The following GRIK2 variants were observed in gnomAD, a reference collection of about 807,000 sequenced individuals.
GRIK2 encodes glutamate receptor ionotropic, kainate 2.
In GRIK2, 32 loss-of-function variants were observed where a neutral mutation model predicts 100.3. The observed-to-expected ratio is 0.32, with a 90% confidence interval of 0.24 to 0.43. GRIK2 has a LOEUF of 0.43. Among genes scored for constraint, GRIK2 ranks in the 20% least tolerant of loss-of-function variants. GRIK2 has a pLI of 1.00. For missense variants in GRIK2, 843 were observed against 1,114.9 expected, an observed-to-expected ratio of 0.76 and a Z score of 3.47; for synonymous variants, 417 against 389.4, an observed-to-expected ratio of 1.07 and a Z score of -0.83.
intron 7 of GRIK2, among the ~76,000 whole-genome samples, chr6:101,695,676 G>T (rs961023349): frequency 6.6e-6 from 1 of 151,948 alleles, no homozygotes; most frequent in African/African-American, 2.4e-5. Context: ...CTTATGACAG[G>T]ATTGCATGTT....
At chr6:101,842,825 TG>T (rs1162732327) in intron 10 of GRIK2, among the ~76,000 whole-genome samples, 1 of 152,260 alleles carries the variant, frequency 6.6e-6, no homozygotes, top group East Asian at 1.9e-4. Flanking sequence ...GAGTGGGATG[TG>T]GGTAGAAAGC....
chr6:101,445,833 G>A (rs1409203187), intron 2 of GRIK2, among the ~76,000 whole-genome samples: 4 of 151,954 alleles, frequency 2.6e-5, no homozygotes, highest in African/African-American at 7.2e-5. Flanking sequence ...ATTTTTATGC[G>A]ACTTTTTACC....
At chr6:101,770,025 G>T (rs1444971922) in intron 7 of GRIK2, among the ~76,000 whole-genome samples, 3 of 152,114 alleles carry the variant, frequency 2.0e-5, no homozygotes, top group African/African-American at 7.2e-5. Flanking sequence ...TGTGGATTTT[G>T]TATTTTTTTG....
intron 2 of GRIK2, among the ~76,000 whole-genome samples, chr6:101,524,680 T>A (rs1775057746): frequency 6.6e-6 from 1 of 151,340 alleles, no homozygotes; most frequent in South Asian, 2.1e-4. Flanking sequence ...TGATTCCTCC[T>A]CACATTAGTC....
intron 2 of GRIK2, among the ~76,000 whole-genome samples, chr6:101,517,450 C>T (rs745464876): frequency 3.3e-5 from 5 of 152,084 alleles, no homozygotes; most frequent in South Asian, 2.1e-4. Flanking sequence ...CTGTGAAATG[C>T]GGTGGTCCTC....
intron 7 of GRIK2, among the ~76,000 whole-genome samples, chr6:101,706,570 C>G (rs531862596): frequency 1.6e-4 from 25 of 151,950 alleles, no homozygotes; most frequent in African/African-American, 6.0e-4. Context: ...GGCAGATATG[C>G]CTGTGAAAGA....
intron 11 of GRIK2, among the ~76,000 whole-genome samples, chr6:101,876,480 AACAAACACACACAC>A (rs1785849370): frequency 1.9e-5 from 1 of 52,120 alleles, no homozygotes; most frequent in Non-Finnish European, 3.9e-5. Context: ...AGAAAACAAA[AACAAACACACACAC>A]ACACACACAC....
At chr6:101,653,862 C>T (rs756565106) in intron 4 of GRIK2, among the ~76,000 whole-genome samples, 2 of 152,114 alleles carry the variant, frequency 1.3e-5, no homozygotes, top group African/African-American at 4.8e-5. Flanking sequence ...CTCAGGTGAA[C>T]CACCTGCCTC....
At chr6:101,795,794 G>A (rs574515703) in intron 7 of GRIK2, among the ~76,000 whole-genome samples, 1 of 152,202 alleles carries the variant, frequency 6.6e-6, no homozygotes, top group Non-Finnish European at 1.5e-5. Context: ...TGCCAGGGGT[G>A]TGGGCCTGCC....
intron 14 of GRIK2, among the ~76,000 whole-genome samples, chr6:101,972,065 A>C (rs1292155932): frequency 6.6e-6 from 1 of 152,006 alleles, no homozygotes; most frequent in Non-Finnish European, 1.5e-5. Flanking sequence ...GTATGAATGC[A>C]TGTGTCTTTT....
chr6:101,819,991 G>C (rs1781858004), intron 10 of GRIK2, among the ~76,000 whole-genome samples: 1 of 152,030 alleles, frequency 6.6e-6, no homozygotes, highest in South Asian at 2.1e-4. Context: ...GTCCTCTATG[G>C]TCTTACTCTC....
intron 4 of GRIK2, among the ~76,000 whole-genome samples, chr6:101,634,320 T>C (rs923394198): frequency 6.6e-6 from 1 of 152,022 alleles, no homozygotes; most frequent in African/African-American, 2.4e-5. Flanking sequence ...ATGTTCCTAG[T>C]TGGGGATACT....
chr6:101,518,431 G>A (rs1271176240), intron 2 of GRIK2, among the ~76,000 whole-genome samples: 2 of 152,144 alleles, frequency 1.3e-5, no homozygotes, highest in Non-Finnish European at 2.9e-5. Flanking sequence ...CACCTTTTCT[G>A]CAGTGTATAC....
intron 14 of GRIK2, among the ~76,000 whole-genome samples, chr6:101,964,608 G>A (rs1316408620): frequency 6.6e-6 from 1 of 152,136 alleles, no homozygotes; most frequent in African/African-American, 2.4e-5. Context: ...TGCCCTTGTG[G>A]CTCTTGTTTG....
intron 2 of GRIK2, among the ~76,000 whole-genome samples, chr6:101,592,827 G>A (rs987105894): frequency 2.0e-5 from 3 of 151,130 alleles, no homozygotes; most frequent in African/African-American, 7.3e-5. Flanking sequence ...TGAGAGATGA[G>A]AAAATGACAA....
At chr6:101,951,542 T>C (rs1413972) in intron 14 of GRIK2, among the ~76,000 whole-genome samples, 5,073 of 152,306 alleles carry the variant, frequency 0.033, 298 homozygotes, top group African/African-American at 0.12. Flanking sequence ...AGACATTCCA[T>C]GTAGACTGAT....
chr6:101,753,642 T>A (rs1776941356), intron 7 of GRIK2, among the ~76,000 whole-genome samples: 1 of 152,032 alleles, frequency 6.6e-6, no homozygotes, highest in African/African-American at 2.4e-5. Flanking sequence ...ACCAGTTAGG[T>A]TTTATATTAA....
intron 14 of GRIK2, among the ~76,000 whole-genome samples, chr6:101,994,522 T>A (rs1794549300): frequency 6.6e-6 from 1 of 151,884 alleles, no homozygotes; most frequent in South Asian, 2.1e-4. Flanking sequence ...GAATTCTTAT[T>A]AAATTATGTG....
intron 15 of GRIK2, among the ~76,000 whole-genome samples, chr6:102,051,259 T>TCTTTCCTTCCTC (rs1562140262): frequency 4.0e-5 from 4 of 98,900 alleles, no homozygotes; most frequent in African/African-American, 1.7e-4. Context: ...CTCCCTTCCT[T>TCTTTCCTTCCTC]CCTTCCTTCC....
Sources: gnomAD v4.1 joint callset for allele counts (sites outside exome capture counted in the v4.1 genomes callset) on GRCh38, gnomAD v4.1.1 for gene constraint, MANE v1.5 for transcripts, NCBI Gene and HGNC (gene_info 2026-07-23, HGNC 2026-07-21) for gene names.